Variants in ZNF213 observed in about 807,000 individuals in gnomAD.
ZNF213 encodes putative transcription factor CR53.
In ZNF213, 32 loss-of-function variants were observed where a neutral mutation model predicts 46.0. The ratio of observed to expected loss-of-function variants is 0.70; its 90% confidence interval spans 0.52 to 0.93. The LOEUF is 0.93. Among genes scored for constraint, ZNF213 ranks in the 40% least tolerant of loss-of-function variants. The pLI, the probability that ZNF213 is intolerant of heterozygous loss-of-function variation, is 0.00. For missense variants in ZNF213, 639 were observed against 652.8 expected (o/e 0.98, Z 0.23); for synonymous variants, 297 against 271.0 (o/e 1.10, Z -0.94).
At chr16:3,140,534 T>C (rs1242757269) in intron 5 of ZNF213, 155 bp from the exon 6 acceptor site, 11 of 1,163,530 alleles carry the variant, frequency 9.5e-6, no homozygotes, top group Non-Finnish European at 2.3e-6. Flanking sequence ...ATCATCCCTG[T>C]TTTATAGATG....
In ZNF213 at chr16:3,137,374, T is replaced by A. The variant is rs1157614702; in HGVS notation, c.94T>A (p.Ser32Thr). The A allele has an allele frequency of 5.6e-6, 9 of 1,613,872 alleles. No individual in the cohort carries two copies. The African/African-American group carries it at 8.0e-5, about 14-fold the overall frequency. Residue 32 changes from serine to threonine, a missense_variant, in exon 2 of 6, where the codon TCT becomes ACT. Physicochemically the swap from Ser to Thr is moderately conservative, Grantham distance 58. Transcript: ENST00000396878. ...KVEDSSWEQE[S>T]AQHEDGRDSE... The stretch of plus-strand genomic sequence containing the variant: ...GGAAGATTCCTCCTGGGAACAGGAA[T>A]CTGCCCAGCATGAGGATGGCAGGGA...
rs1346864489 is a variant in ZNF213 at position 3,141,266 on chromosome 16, G to T, written c.1299G>T (p.Glu433Asp). The T allele has an allele frequency of 6.2e-7, 1 of 1,611,998 alleles. No individual in the cohort carries two copies. Among genetic ancestry groups the T allele is most frequent in the Non-Finnish European group, 8.5e-7 (1 of 1,179,884 alleles). The change falls in exon 6 of 6, where the codon GAG becomes GAT. Residue 433 changes from glutamate (E) to aspartate (D), a missense_variant. Glu to Asp is a conservative substitution (Grantham distance 45, BLOSUM62 2). Coordinates refer to ENST00000396878, the MANE Select transcript of ZNF213 (RefSeq NM_004220.3). Reference protein sequence around the residue: ...HTGERPFGCGECDKSFKQRAH... With the variant: ...HTGERPFGCGDCDKSFKQRAH... ...GTGAGCGGCCCTTCGGCTGCGGAGAGTGCGACAAGAGCTTCAAGCAGCGCG... is the reference window on the plus strand; with the variant it reads ...GTGAGCGGCCCTTCGGCTGCGGAGATTGCGACAAGAGCTTCAAGCAGCGCG...
At position 3,139,083 on chromosome 16, in the gene ZNF213, C is replaced by T. The variant is rs765247881; in HGVS notation, c.706C>T (p.Arg236Trp). The T allele has an allele frequency of 1.9e-5, 30 of 1,613,792 alleles. No homozygotes were observed. The South Asian group carries it at 1.9e-4, about 10-fold the overall frequency. The change falls in exon 5 of 6, where the codon CGG becomes TGG. Residue 236 changes from arginine (R) to tryptophan (W), a missense_variant. Arg to Trp is a moderately radical substitution (Grantham distance 101). Coordinates refer to ENST00000396878, the MANE Select transcript of ZNF213 (RefSeq NM_004220.3). ...LFWDIKRENS[R>W]NTTLGFGLKG... ...CTGGGACATAAAGCGGGAGAACTCC[C>T]GGAACACCACCCTGGGTAAGCACCC...
At chr16:3,137,793 C>A in intron 2 of ZNF213, 114 bp downstream of exon 2, 1 of 1,317,842 alleles carries the variant, frequency 7.6e-7, no homozygotes, top group Non-Finnish European at 1.0e-6. Flanking sequence ...AGACACAGAG[C>A]CCCCAGGAGC....
intron 3 of ZNF213, 64 bp downstream of exon 3, chr16:3,138,605 G>T: frequency 1.9e-6 from 3 of 1,612,440 alleles, no homozygotes; most frequent in Non-Finnish European, 2.5e-6. Context: ...TTTGTCACCG[G>T]CGTTGCCCTA....
At position 3,141,071 on chromosome 16, in the gene ZNF213, G is replaced by C; in HGVS notation, c.1104G>C (p.Thr368=). 1 of 1,612,938 alleles carries C rather than the reference G, an allele frequency of 6.2e-7. No homozygotes were observed. The highest frequency in any genetic ancestry group is 2.2e-5 in the East Asian group (1 of 44,860). Reference sequence around the variant, plus strand: ...TGGTGCGCCACCAAGGCGTGCACACGGGCGAGAAGCCCTTCTCCTGTTCCG... The same window carrying C: ...TGGTGCGCCACCAAGGCGTGCACACCGGCGAGAAGCCCTTCTCCTGTTCCG... The part of the protein sequence containing the change: ...SDLVRHQGVH[T]GEKPFSCSEC... Residue 368 remains threonine (T), a synonymous_variant, in exon 6 of 6, where the codon ACG becomes ACC. Transcript: ENST00000396878.
Position 3,141,407 on chromosome 16 carries a change from A to C in ZNF213, c.*60A>C, listed in dbSNP as rs1957603208. ...AGCCACGGCACATCCTGCTTTGTTC[A>C]CCACTGGGACTCTCCTTCCATCTGT... On this transcript the variant is annotated 3_prime_UTR_variant, in exon 6 of 6. Coordinates refer to ENST00000396878, the MANE Select transcript of ZNF213 (RefSeq NM_004220.3). 2 of 1,483,614 alleles carry C rather than the reference A, an allele frequency of 1.3e-6. No individual in the cohort carries two copies. The highest frequency in any genetic ancestry group is 4.5e-5 in the Admixed American group (2 of 44,826). 91.9% of individuals were successfully genotyped at this position (1,483,614 alleles called of 1,614,324 possible).
chr16:3,141,373 G>C lies in ZNF213; in HGVS notation c.*26G>C, dbSNP rs931792448. The C allele has an allele frequency of 2.0e-6, 3 of 1,523,404 alleles. No homozygotes were observed. In the African/African-American group the frequency reaches 4.1e-5, roughly 21 times the overall value. 94.4% of individuals were successfully genotyped at this position (1,523,404 alleles called of 1,614,324 possible). ...GCAGCTGGCTTGGCCGGAAACCCGG[G>C]GGAGGCCCAGCCACGGCACATCCTG... On this transcript the variant is annotated 3_prime_UTR_variant, in exon 6 of 6. Transcript: ENST00000396878.
Position 3,139,748 on chromosome 16 carries a change from CTT to C in ZNF213, c.721+663_721+664del, listed in dbSNP as rs1194489858. On this transcript the variant is annotated intron_variant, in intron 5 of 5. Transcript: ENST00000396878. ...GTGACGGTTGGGAAAAATTTTCTTTCTTTTTTTTTTTTTTGAGATGGAGTCTT... is the reference window on the plus strand; with the variant it reads ...GTGACGGTTGGGAAAAATTTTCTTTCTTTTTTTTTTTTGAGATGGAGTCTT... The C allele has an allele frequency of 2.2e-3, 314 of 144,260 alleles. 4 individuals are homozygous for C. Among genetic ancestry groups the C allele is most frequent in the Admixed American group, 9.1e-3 (131 of 14,426 alleles). 8.9% of individuals were successfully genotyped at this position (144,260 alleles called of 1,614,324 possible).
chr16:3,137,559 C>T lies in ZNF213; in HGVS notation c.279C>T (p.Phe93=), dbSNP rs1342128090. ...QILELLVLEQ[F]LTVLPGEIQG... is the part of the protein sequence containing the mutation. The stretch of plus-strand genomic sequence containing the variant: ...TGGAGCTGCTGGTGCTGGAGCAGTT[C>T]CTGACAGTGCTGCCAGGGGAGATCC... The change falls in exon 2 of 6, where the codon TTC becomes TTT. Residue 93 remains phenylalanine, a synonymous_variant. Transcript: ENST00000396878. 6.2e-7 allele frequency: 1 copy of T among 1,613,942 alleles called. No individual in the cohort carries two copies. Among genetic ancestry groups the T allele is most frequent in the South Asian group, 1.1e-5 (1 of 91,090 alleles).
At position 3,141,639 on chromosome 16, in the gene ZNF213, A is replaced by T. The variant is rs866436778; in HGVS notation, c.*292A>T. ...GAGCCCCAACACATTCCTGGCAGGG[A>T]CAGCAGGGTGGCAAGGACTCAGGTC... On this transcript the variant is annotated 3_prime_UTR_variant, in exon 6 of 6. Coordinates refer to ENST00000396878, the MANE Select transcript of ZNF213 (RefSeq NM_004220.3). 2.2e-6 allele frequency: 1 copy of T among 454,186 alleles called. No homozygotes were observed. Among genetic ancestry groups the T allele is most frequent in the Admixed American group, 3.9e-5 (1 of 25,348 alleles). 28.1% of individuals were successfully genotyped at this position (454,186 alleles called of 1,614,324 possible). A position where few individuals can be genotyped will look rare whatever the true frequency, so the allele number is the denominator to read the frequency against.
In ZNF213 at chr16:3,140,852, C is replaced by A; in HGVS notation, c.885C>A (p.Gly295=). ...GGGCGGCCCTGGGCCCAGTGGTGGG[C>A]GCGCGACGGGGGCGGCCACCCACTC... is the stretch of plus-strand genomic sequence containing the variant. ...RPRAALGPVV[G]ARRGRPPTRR... The change falls in exon 6 of 6, where the codon GGC becomes GGA. Residue 295 remains glycine, a synonymous_variant. Coordinates refer to ENST00000396878, the MANE Select transcript of ZNF213 (RefSeq NM_004220.3). 1 of 1,578,774 alleles carries A rather than the reference C, an allele frequency of 6.3e-7. No individual in the cohort carries two copies. Among genetic ancestry groups the A allele is most frequent in the South Asian group, 1.1e-5 (1 of 87,010 alleles).
rs751175576 is a variant in ZNF213, at chr16:3,137,459, A to G, written c.179A>G (p.His60Arg). The G allele has an allele frequency of 1.9e-6, 3 of 1,613,986 alleles. No individual in the cohort carries two copies. Among genetic ancestry groups the G allele is most frequent in the South Asian group, 2.2e-5 (2 of 91,086 alleles). ...TGCTACGGGGATGTGCATGGGCCTC[A>G]TGAGGCCTTCAGCCAGCTCTGGGAG... ...QFCYGDVHGP[H>R]EAFSQLWELC... The change falls in exon 2 of 6, where the codon CAT becomes CGT. Residue 60 changes from histidine (H) to arginine (R), a missense_variant. Physicochemically the swap from His to Arg is conservative, Grantham distance 29 (BLOSUM62 0). Transcript: ENST00000396878.
Position 3,140,855 on chromosome 16 carries a change from G to C in ZNF213, c.888G>C (p.Ala296=). 6.3e-7 allele frequency: 1 copy of C among 1,575,270 alleles called. No homozygotes were observed. The highest frequency in any genetic ancestry group is 2.3e-5 in the East Asian group (1 of 44,306). ...PRAALGPVVG[A]RRGRPPTRRR... Reference sequence around the variant, plus strand: ...CGGCCCTGGGCCCAGTGGTGGGCGCGCGACGGGGGCGGCCACCCACTCGCC... The same window carrying C: ...CGGCCCTGGGCCCAGTGGTGGGCGCCCGACGGGGGCGGCCACCCACTCGCC... Residue 296 remains alanine, a synonymous_variant, in exon 6 of 6, where the codon GCG becomes GCC. Transcript: ENST00000396878.
At chr16:3,138,245 C>T in intron 2 of ZNF213, 173 bp from the exon 3 acceptor site, 1 of 1,288,952 alleles carries the variant, frequency 7.8e-7, no homozygotes, top group South Asian at 1.5e-5. Context: ...CTTGGGCACA[C>T]AGCATTACCT....
rs1957574166 is a variant in ZNF213 at position 3,139,022 on chromosome 16, A to C, written c.645A>C (p.Glu215Asp). The change falls in exon 5 of 6, where the codon GAA becomes GAC. Residue 215 changes from glutamate (E) to aspartate (D), a missense_variant. Coordinates refer to ENST00000396878, the MANE Select transcript of ZNF213 (RefSeq NM_004220.3). ...TCCCATTCTATTTCTCCCGGGAAGAATGGGGCACCCTGGACCCTGCTCAGC... is the reference window on the plus strand; with the variant it reads ...TCCCATTCTATTTCTCCCGGGAAGACTGGGGCACCCTGGACCCTGCTCAGC... The part of the protein sequence containing the change: ...GDIPFYFSRE[E>D]WGTLDPAQRD... 1.9e-6 allele frequency: 3 copies of C among 1,614,006 alleles called. No individual in the cohort carries two copies. The highest frequency in any genetic ancestry group is 2.5e-6 in the Non-Finnish European group (3 of 1,180,014).
In ZNF213 at chr16:3,141,082, C is replaced by G; in HGVS notation, c.1115C>G (p.Pro372Arg). 6.2e-7 allele frequency: 1 copy of G among 1,613,366 alleles called. No homozygotes were observed. Among genetic ancestry groups the G allele is most frequent in the Non-Finnish European group, 8.5e-7 (1 of 1,179,878 alleles). Residue 372 changes from proline to arginine, a missense_variant, in exon 6 of 6, where the codon CCC becomes CGC. Transcript: ENST00000396878. ...RHQGVHTGEK[P>R]FSCSECGKSF... ...CAAGGCGTGCACACGGGCGAGAAGC[C>G]CTTCTCCTGTTCCGAGTGCGGCAAG...
At position 3,141,059 on chromosome 16, in the gene ZNF213, AG is replaced by A; in HGVS notation, c.1094del (p.Gly365AlafsTer182). Reference protein sequence around the residue: ...RSSSDLVRHQGVHTGEKPFSC... With the variant: ...RSSSDLVRHQXVHTGEKPFSC... ...GCTCCTCGGACCTGGTGCGCCACCA[AG>A]GCGTGCACACGGGCGAGAAGCCCTT... On this transcript the variant is annotated frameshift_variant, in exon 6 of 6. Coordinates refer to ENST00000396878, the MANE Select transcript of ZNF213 (RefSeq NM_004220.3). LOFTEE classifies it high-confidence loss of function. 1 of 1,612,352 alleles carries A rather than the reference AG, an allele frequency of 6.2e-7. No individual in the cohort carries two copies. Among genetic ancestry groups the A allele is most frequent in the East Asian group, 2.2e-5 (1 of 44,850 alleles).
intron 5 of ZNF213, chr16:3,139,523 C>T (rs544906457): frequency 4.6e-5 from 9 of 195,416 alleles, no homozygotes; most frequent in African/African-American, 2.1e-4. Context: ...TGGGCCCCTG[C>T]TCGTCAGAAC....
Sources: allele counts gnomAD v4.1 joint callset, GRCh38; gene constraint gnomAD v4.1.1; transcripts MANE v1.5; gene names NCBI Gene and HGNC (gene_info 2026-07-23, HGNC 2026-07-21).